The following ABCC2 variants were observed in gnomAD, a reference collection of about 807,000 sequenced individuals.
ABCC2 encodes ATP-binding cassette sub-family C member 2.
ABCC2 carries 157 observed loss-of-function variants against 173.4 expected under a neutral mutation model. That is an observed-to-expected ratio of 0.91 (90% confidence interval 0.80 to 1.03). The LOEUF (loss-of-function observed/expected upper bound fraction) is 1.03. Ranked by LOEUF, ABCC2 falls within the 50% of genes least tolerant of loss-of-function variation. The pLI, the probability that ABCC2 is intolerant of heterozygous loss-of-function variation, is 0.00. For synonymous variants in ABCC2, 657 were observed against 693.5 expected (o/e 0.95, Z 0.83); for missense variants, 1,822 against 1,852.3 (o/e 0.98, Z 0.30).
intron 1 of ABCC2, 44 bp from the exon 2 acceptor site, chr10:99,784,564 T>C: frequency 6.2e-7 from 1 of 1,609,502 alleles, no homozygotes; most frequent in Non-Finnish European, 8.5e-7. Context: ...GTTTTCTGTC[T>C]TCACAATGCA....
Position 99,800,520 on chromosome 10 carries a change from G to T in ABCC2, c.1166G>T (p.Gly389Val). The change falls in exon 9 of 32, where the codon GGT becomes GTT. Residue 389 changes from glycine (G) to valine (V), a missense_variant. Coordinates refer to ENST00000647814, the MANE Select transcript of ABCC2 (RefSeq NM_000392.5). Reference sequence around the variant, plus strand: ...TATTTCCAACTGTGCTTCAAGCTGGGTGTAAAAGTACGGACAGCTATCATG... The same window carrying T: ...TATTTCCAACTGTGCTTCAAGCTGGTTGTAAAAGTACGGACAGCTATCATG... The part of the protein sequence containing the change: ...QCYFQLCFKL[G>V]VKVRTAIMAS... 3.1e-6 allele frequency: 5 copies of T among 1,614,146 alleles called. No individual in the cohort carries two copies. Among genetic ancestry groups the T allele is most frequent in the Non-Finnish European group, 4.2e-6 (5 of 1,180,022 alleles).
chr10:99,806,741 T>A (rs971824291), intron 11 of ABCC2, among the ~76,000 whole-genome samples: 2 of 152,258 alleles, frequency 1.3e-5, no homozygotes, highest in Non-Finnish European at 2.9e-5. Flanking sequence ...ATTTGCCAGC[T>A]TTCATGATAA....
intron 25 of ABCC2, among the ~76,000 whole-genome samples, chr10:99,839,064 G>T (rs2038882294): frequency 7.1e-6 from 1 of 140,264 alleles, no homozygotes; most frequent in Non-Finnish European, 1.6e-5. Context: ...CTCCCGGACG[G>T]GGCGGCTGGC....
At chr10:99,847,963 C>T (rs867685705) in intron 30 of ABCC2, among the ~76,000 whole-genome samples, 8 of 152,172 alleles carry the variant, frequency 5.3e-5, no homozygotes, top group Admixed American at 4.6e-4. Flanking sequence ...ATTAAGTGTA[C>T]TCCTCATATG....
chr10:99,804,386 C>G, intron 10 of ABCC2, 113 bp downstream of exon 10: 2 of 1,377,370 alleles, frequency 1.5e-6, no homozygotes, highest in Non-Finnish European at 2.0e-6. Flanking sequence ...TGGTGGAAGA[C>G]TTTCTACCAT....
rs771168840 is a variant in ABCC2 at position 99,834,530 on chromosome 10, G to A, written c.3409G>A (p.Val1137Ile). Residue 1137 changes from valine (V) to isoleucine (I), a missense_variant, in exon 24 of 32, where the codon GTT (valine) becomes ATT (isoleucine). Physicochemically the swap from Val to Ile is conservative, Grantham distance 29 (BLOSUM62 3). Coordinates refer to ENST00000647814, the MANE Select transcript of ABCC2 (RefSeq NM_000392.5). Reference sequence around the variant, plus strand: ...TCCTCTTGGCATTATTTATGTATCTGTTCAGGTAGGTTTGGAAATGGCTAA... The same window carrying A: ...TCCTCTTGGCATTATTTATGTATCTATTCAGGTAGGTTTGGAAATGGCTAA... ...VIPLGIIYVS[V>I]QMFYVSTSRQ... 3.1e-6 allele frequency: 5 copies of A among 1,614,090 alleles called. No homozygotes were observed. The South Asian group carries it at 5.5e-5, about 18-fold the overall frequency.
In ABCC2 at chr10:99,814,127, ATG is replaced by A. The variant is rs1212113114; in HGVS notation, c.2094+989_2094+990del. 1.5e-4 allele frequency among the ~76,000 whole-genome samples: 18 copies of A among 123,394 alleles called. 1 individual carries two copies. The highest frequency in any genetic ancestry group is 3.4e-4 in the African/African-American group (11 of 32,744). The allele number at this position is 123,394 out of a possible 152,430, so 81.0% of individuals were successfully genotyped here. ...CACACATATGTGTATATACACACAT[ATG>A]TGTGTATATATACACACATGTATGT... On this transcript the variant is annotated intron_variant, in intron 16 of 31. Transcript: ENST00000647814.
intron 13 of ABCC2, among the ~76,000 whole-genome samples, chr10:99,809,802 G>A (rs114274438): frequency 0.014 from 2,073 of 152,312 alleles, 38 homozygotes; most frequent in African/African-American, 0.04. Context: ...CATAGACTTA[G>A]TTAAATAAGA....
chr10:99,848,232 C>T lies in ABCC2; in HGVS notation c.4313+1105C>T, dbSNP rs183257010. Among the ~76,000 whole-genome samples the T allele has an allele frequency of 1.6e-4, 24 of 152,332 alleles. No individual in the cohort carries two copies. The East Asian group carries it at 2.3e-3, about 15-fold the overall frequency. ...AAAATCCGTAGGCACTGTTGAAACA[C>T]CTGAAATCAACAAAAGACTCTCTTG... On this transcript the variant is annotated intron_variant, in intron 30 of 31. Transcript: ENST00000647814.
intron 16 of ABCC2, among the ~76,000 whole-genome samples, chr10:99,814,289 A>G (rs1455833993): frequency 1.3e-5 from 1 of 79,218 alleles, no homozygotes; most frequent in South Asian, 3.9e-4. Context: ...ATGTATACAC[A>G]CACGTATGTA....
In ABCC2 at chr10:99,807,464, G is replaced by A. The variant is rs768973234; in HGVS notation, c.1611G>A (p.Leu537=). The A allele has an allele frequency of 6.2e-7, 1 of 1,614,088 alleles. No individual in the cohort carries two copies. The highest frequency in any genetic ancestry group is 8.5e-7 in the Non-Finnish European group (1 of 1,179,980). Reference sequence around the variant, plus strand: ...GGAAGAAAGAGCTCAAGAACCTGCTGGCCTTTAGTCAACTACAGTGTGTAG... The same window carrying A: ...GGAAGAAAGAGCTCAAGAACCTGCTAGCCTTTAGTCAACTACAGTGTGTAG... ...NLRKKELKNL[L]AFSQLQCVVI... The change falls in exon 12 of 32, where the codon CTG becomes CTA. Residue 537 remains leucine (L), a synonymous_variant. Coordinates refer to ENST00000647814, the MANE Select transcript of ABCC2 (RefSeq NM_000392.5).
At chr10:99,798,886 G>A (rs1351142926) in intron 7 of ABCC2, among the ~76,000 whole-genome samples, 1 of 152,084 alleles carries the variant, frequency 6.6e-6, no homozygotes, top group Non-Finnish European at 1.5e-5. Context: ...GAACAGAAAG[G>A]ACCTCTCAGC....
intron 23 of ABCC2, among the ~76,000 whole-genome samples, chr10:99,832,705 G>A (rs1460916163): frequency 1.3e-5 from 2 of 152,204 alleles, no homozygotes; most frequent in Non-Finnish European, 2.9e-5. Flanking sequence ...TTAAGAATGA[G>A]TAAATTTGGT....
Position 99,831,890 on chromosome 10 carries a change from C to G in ABCC2, c.3103+60C>G, listed in dbSNP as rs561526655. ...GTCTGGACCCTGTACTTTTCCTGGA[C>G]TCAGGAATGCATTTGCCATTATGTC... On this transcript the variant is annotated intron_variant, in intron 22 of 31. Coordinates refer to ENST00000647814, the MANE Select transcript of ABCC2 (RefSeq NM_000392.5). 1.4e-4 allele frequency: 233 copies of G among 1,610,872 alleles called. 2 individuals carry two copies. The South Asian group carries it at 2.4e-3, about 17-fold the overall frequency.
intron 16 of ABCC2, among the ~76,000 whole-genome samples, chr10:99,814,743 ATG>A (rs2038365425): frequency 3.6e-4 from 51 of 140,222 alleles, no homozygotes; most frequent in African/African-American, 1.3e-3. Flanking sequence ...GTATGTGTAT[ATG>A]TATGTATATA....
At chr10:99,825,900 G>A (rs1301676464) in intron 19 of ABCC2, among the ~76,000 whole-genome samples, 1 of 152,252 alleles carries the variant, frequency 6.6e-6, no homozygotes, top group Non-Finnish European at 1.5e-5. Flanking sequence ...GGGACAGTGG[G>A]TTTGTTGTCC....
At chr10:99,824,746 G>A (rs545930201) in intron 19 of ABCC2, among the ~76,000 whole-genome samples, 1 of 152,380 alleles carries the variant, frequency 6.6e-6, no homozygotes, top group Admixed American at 6.5e-5. Context: ...AACCCGGGTT[G>A]GAGAGGCCCC....
chr10:99,847,158 G>A, intron 30 of ABCC2, 31 bp downstream of exon 30: 1 of 1,613,446 alleles, frequency 6.2e-7, no homozygotes, highest in Non-Finnish European at 8.5e-7. Flanking sequence ...ACCCCTGCAG[G>A]CAATGAGAGG....
At chr10:99,791,072 T>C (rs928143835) in intron 2 of ABCC2, among the ~76,000 whole-genome samples, 1 of 152,150 alleles carries the variant, frequency 6.6e-6, no homozygotes, top group Non-Finnish European at 1.5e-5. Context: ...GTGTATCATG[T>C]CTTCTGAGCT....
Sources: allele counts gnomAD v4.1 joint callset (sites outside exome capture counted in the v4.1 genomes callset), GRCh38; gene constraint gnomAD v4.1.1; transcripts MANE v1.5; gene names NCBI Gene and HGNC (gene_info 2026-07-23, HGNC 2026-07-21).